Variants in KCNH8 observed in about 807,000 individuals in gnomAD.
KCNH8 encodes voltage-gated delayed rectifier potassium channel KCNH8.
A neutral mutation model predicts 103.6 loss-of-function variants in KCNH8; 70 were observed. That is an observed-to-expected ratio of 0.68 (90% CI 0.56 to 0.82). The LOEUF (loss-of-function observed/expected upper bound fraction) is 0.82. Ranked by LOEUF, KCNH8 falls within the 40% of genes least tolerant of loss-of-function variation. The pLI, the probability that KCNH8 is intolerant of heterozygous loss-of-function variation, is 0.00. For synonymous variants in KCNH8, 498 were observed against 489.4 expected (o/e 1.02, Z -0.23); for missense variants, 1,217 against 1,329.9 (o/e 0.92, Z 1.32).
intron 5 of KCNH8, among the ~76,000 whole-genome samples, chr3:19,357,335 A>G (rs577319479): frequency 6.6e-6 from 1 of 151,844 alleles, no homozygotes; most frequent in Non-Finnish European, 1.5e-5. Context: ...TCATTCAGAG[A>G]GATATGGCAA....
At chr3:19,450,706 C>T in intron 9 of KCNH8, 1 of 280,384 alleles carries the variant, frequency 3.6e-6, no homozygotes, top group South Asian at 3.8e-5. Context: ...CCAGAAACAC[C>T]CCAGACTGCC....
chr3:19,483,395 G>A (rs1187697929), intron 11 of KCNH8, among the ~76,000 whole-genome samples: 1 of 152,110 alleles, frequency 6.6e-6, no homozygotes, highest in African/African-American at 2.4e-5. Context: ...CCTACAGGGT[G>A]AGTGGATTTT....
At chr3:19,271,037 A>G (rs960509544) in intron 2 of KCNH8, among the ~76,000 whole-genome samples, 2 of 152,170 alleles carry the variant, frequency 1.3e-5, no homozygotes, top group Admixed American at 1.3e-4. Context: ...TTATGTTATC[A>G]AAAAAATAAT....
intron 2 of KCNH8, among the ~76,000 whole-genome samples, chr3:19,254,437 G>A (rs2064321872): frequency 1.3e-5 from 2 of 152,078 alleles, no homozygotes; most frequent in Admixed American, 6.6e-5. Flanking sequence ...GAGACACTTA[G>A]CATCTCATGT....
chr3:19,517,798 T>C (rs971099641), intron 14 of KCNH8, among the ~76,000 whole-genome samples, 200 bp from the exon 15 acceptor site: 1 of 151,984 alleles, frequency 6.6e-6, no homozygotes, highest in African/African-American at 2.4e-5. Context: ...ACCACCATGA[T>C]GTGTGTCCAG....
At chr3:19,163,877 AT>A in intron 1 of KCNH8, among the ~76,000 whole-genome samples, 1 of 152,080 alleles carries the variant, frequency 6.6e-6, no homozygotes, top group East Asian at 1.9e-4. Context: ...TCTTATTAAC[AT>A]TTTCTTTTCT....
In KCNH8 at chr3:19,456,925, C is replaced by T. The variant is rs754518464; in HGVS notation, c.1983C>T (p.Phe661=). ...TTTACCCAGAATATGCTCACAAATT[C>T]GTGGAAGACATTCAGCATGACCTCA... The part of the protein sequence containing the change: ...LDLYPEYAHK[F]VEDIQHDLTY... Residue 661 remains phenylalanine (F), a synonymous_variant, in exon 11 of 16, where the codon TTC becomes TTT. Coordinates refer to ENST00000328405, the MANE Select transcript of KCNH8 (RefSeq NM_144633.3). The T allele has an allele frequency of 6.8e-6, 11 of 1,612,400 alleles. No individual in the cohort carries two copies. The highest frequency in any genetic ancestry group is 7.6e-6 in the Non-Finnish European group (9 of 1,179,016).
chr3:19,398,109 C>T (rs2066551717), intron 7 of KCNH8, among the ~76,000 whole-genome samples: 1 of 151,734 alleles, frequency 6.6e-6, no homozygotes, highest in South Asian at 2.1e-4. Context: ...ATTCAGTTTC[C>T]CAAAGGATAA....
intron 3 of KCNH8, 50 bp from the exon 4 acceptor site, chr3:19,342,537 A>G: frequency 6.4e-7 from 1 of 1,563,330 alleles, no homozygotes; most frequent in Non-Finnish European, 8.7e-7. Context: ...GACATTCTTG[A>G]GGTGAAATGA....
chr3:19,229,368 T>A (rs371526429), intron 1 of KCNH8, among the ~76,000 whole-genome samples: 1 of 152,236 alleles, frequency 6.6e-6, no homozygotes, highest in African/African-American at 2.4e-5. Flanking sequence ...TGCCTGGCCA[T>A]CCAGGCATTT....
chr3:19,193,422 T>C (rs1184751492), intron 1 of KCNH8, among the ~76,000 whole-genome samples: 1 of 151,704 alleles, frequency 6.6e-6, no homozygotes, highest in Non-Finnish European at 1.5e-5. Context: ...TTCATTTATG[T>C]TTAATTTAAC....
At chr3:19,480,807 T>G (rs1559348270) in intron 11 of KCNH8, among the ~76,000 whole-genome samples, 1 of 152,206 alleles carries the variant, frequency 6.6e-6, no homozygotes, top group East Asian at 1.9e-4. Flanking sequence ...AACTATATTT[T>G]CTCTGTCTGG....
intron 1 of KCNH8, among the ~76,000 whole-genome samples, chr3:19,181,423 AACG>A (rs574690982): frequency 1.1e-4 from 16 of 152,296 alleles, no homozygotes; most frequent in African/African-American, 3.8e-4. Context: ...GAAAGAGATG[AACG>A]ACAAAACAAG....
chr3:19,484,336 A>G (rs2068157825), intron 11 of KCNH8, among the ~76,000 whole-genome samples: 1 of 152,226 alleles, frequency 6.6e-6, no homozygotes, highest in Non-Finnish European at 1.5e-5. Context: ...AGATTGTTTT[A>G]CTTTCTTGTC....
intron 3 of KCNH8, among the ~76,000 whole-genome samples, chr3:19,283,395 T>C (rs532634790): frequency 5.9e-5 from 9 of 152,250 alleles, no homozygotes; most frequent in African/African-American, 1.9e-4. Flanking sequence ...AAGATTTAAA[T>C]AAAAAATATC....
At chr3:19,385,636 T>TA (rs1273548726) in intron 5 of KCNH8, among the ~76,000 whole-genome samples, 2 of 152,214 alleles carry the variant, frequency 1.3e-5, no homozygotes, top group Non-Finnish European at 2.9e-5. Flanking sequence ...ATGAAACTCT[T>TA]ATCCACTAAT....
chr3:19,197,860 A>C (rs2063617510), intron 1 of KCNH8, among the ~76,000 whole-genome samples: 1 of 152,010 alleles, frequency 6.6e-6, no homozygotes, highest in Non-Finnish European at 1.5e-5. Flanking sequence ...ATTTTAAGTT[A>C]TTTGTGGAAA....
intron 1 of KCNH8, among the ~76,000 whole-genome samples, chr3:19,185,969 A>C (rs893400982): frequency 6.6e-6 from 1 of 152,020 alleles, no homozygotes; most frequent in African/African-American, 2.4e-5. Context: ...TCAAAATGTA[A>C]GTTAATATTT....
intron 4 of KCNH8, among the ~76,000 whole-genome samples, chr3:19,345,690 A>G (rs1481424865): frequency 6.6e-6 from 1 of 152,028 alleles, no homozygotes. Flanking sequence ...AAACATTACA[A>G]AAGCTGGTGG....
Sources: allele counts gnomAD v4.1 joint callset (sites outside exome capture counted in the v4.1 genomes callset), GRCh38; gene constraint gnomAD v4.1.1; transcripts MANE v1.5; gene names NCBI Gene and HGNC (gene_info 2026-07-23, HGNC 2026-07-21).